The following ARB2A variants were observed in gnomAD, a reference collection of about 807,000 sequenced individuals.
ARB2A encodes ARB2 cotranscriptional regulator A.
chr5:94,072,133 A>C, the ARB2A span, among the ~76,000 whole-genome samples: 1 of 152,158 alleles, frequency 6.6e-6, no homozygotes, highest in Non-Finnish European at 1.5e-5. Context: ...TACATACCTT[A>C]TGATTCCATT....
the ARB2A span, among the ~76,000 whole-genome samples, chr5:94,047,021 T>C: frequency 2.0e-5 from 3 of 152,206 alleles, no homozygotes; most frequent in African/African-American, 7.2e-5. Context: ...AGCATGATGG[T>C]ATGATACAAA....
the ARB2A span, chr5:93,958,783 A>G: frequency 2.0e-6 from 3 of 1,521,214 alleles, no homozygotes; most frequent in South Asian, 4.3e-5. Flanking sequence ...TTACAGCCAC[A>G]GCTCTTTTAA....
At chr5:93,889,718 A>G in the ARB2A span, among the ~76,000 whole-genome samples, 2 of 152,034 alleles carry the variant, frequency 1.3e-5, no homozygotes, top group East Asian at 3.9e-4. Flanking sequence ...TCATGGTAAC[A>G]AATCTTTCCA....
chr5:93,788,301 T>C, the ARB2A span, among the ~76,000 whole-genome samples: 11 of 152,238 alleles, frequency 7.2e-5, no homozygotes, highest in South Asian at 1.0e-3. Context: ...CTGAGTATAA[T>C]AGGAGTATTC....
chr5:94,091,263 C>CT, the ARB2A span, among the ~76,000 whole-genome samples: 1 of 152,142 alleles, frequency 6.6e-6, no homozygotes, highest in Non-Finnish European at 1.5e-5. Flanking sequence ...ACTGAAATGT[C>CT]TAAGTTCTTA....
the ARB2A span, among the ~76,000 whole-genome samples, chr5:93,955,401 T>C: frequency 6.6e-6 from 1 of 152,206 alleles, no homozygotes; most frequent in Non-Finnish European, 1.5e-5. Flanking sequence ...CTGTATAAAT[T>C]ACATTAATAA....
chr5:94,021,495 A>G, the ARB2A span, among the ~76,000 whole-genome samples: 5 of 152,226 alleles, frequency 3.3e-5, no homozygotes, highest in African/African-American at 1.2e-4. Flanking sequence ...GTAAGAATAA[A>G]TCAGTTCACT....
chr5:93,847,174 T>C, the ARB2A span, among the ~76,000 whole-genome samples: 1 of 152,214 alleles, frequency 6.6e-6, no homozygotes, highest in Non-Finnish European at 1.5e-5. Context: ...GATCATGAGA[T>C]TGCAGCAATT....
chr5:94,022,385 T>C, the ARB2A span, among the ~76,000 whole-genome samples: 1 of 152,074 alleles, frequency 6.6e-6, no homozygotes, highest in Non-Finnish European at 1.5e-5. Flanking sequence ...AACAGTCCAA[T>C]CTACCAGTCA....
the ARB2A span, among the ~76,000 whole-genome samples, chr5:93,622,239 C>T: frequency 1.3e-5 from 2 of 152,142 alleles, no homozygotes; most frequent in African/African-American, 4.8e-5. Flanking sequence ...AGCTTTTAAA[C>T]AGTTGAAATC....
the ARB2A span, among the ~76,000 whole-genome samples, chr5:93,853,052 T>C: frequency 6.6e-6 from 1 of 152,214 alleles, no homozygotes. Context: ...TTGGGCAGTA[T>C]GGCCATTTTC....
chr5:94,000,289 A>C, the ARB2A span, among the ~76,000 whole-genome samples: 1 of 152,032 alleles, frequency 6.6e-6, no homozygotes, highest in East Asian at 1.9e-4. Flanking sequence ...GCAATAAATG[A>C]GAGTTCCTAT....
chr5:93,766,271 AG>A, the ARB2A span, among the ~76,000 whole-genome samples: 1 of 152,138 alleles, frequency 6.6e-6, no homozygotes, highest in African/African-American at 2.4e-5. Context: ...ATGGAAGAAA[AG>A]TTTTGCAATC....
chr5:93,689,602 GA>G, the ARB2A span, among the ~76,000 whole-genome samples: 1 of 152,120 alleles, frequency 6.6e-6, no homozygotes, highest in Non-Finnish European at 1.5e-5. Flanking sequence ...AAATCCAGCA[GA>G]AATGGGTCAG....
chr5:94,076,488 C>G, the ARB2A span, among the ~76,000 whole-genome samples: 1 of 152,176 alleles, frequency 6.6e-6, no homozygotes, highest in South Asian at 2.1e-4. Context: ...CAAATATGGT[C>G]ACTGCCCTCC....
the ARB2A span, among the ~76,000 whole-genome samples, chr5:93,691,695 C>A: frequency 6.6e-6 from 1 of 151,832 alleles, no homozygotes; most frequent in Admixed American, 6.6e-5. Context: ...AGATACTCCT[C>A]GAGAAGAGCA....
chr5:93,705,872 TA>T, the ARB2A span, among the ~76,000 whole-genome samples: 2 of 152,168 alleles, frequency 1.3e-5, no homozygotes, highest in Admixed American at 1.3e-4. Context: ...GATTACTTGC[TA>T]AATTTTTAAA....
At chr5:93,713,366 T>A in the ARB2A span, among the ~76,000 whole-genome samples, 2 of 151,250 alleles carry the variant, frequency 1.3e-5, no homozygotes, top group Non-Finnish European at 3.0e-5. Flanking sequence ...AAAAAAAAAA[T>A]CTAATAATCC....
chr5:93,768,520 CAT>C, the ARB2A span, among the ~76,000 whole-genome samples: 3 of 149,586 alleles, frequency 2.0e-5, no homozygotes, highest in South Asian at 2.1e-4. Context: ...TATATACATA[CAT>C]ATATATACAC....
Sources: gnomAD v4.1 joint callset for allele counts (sites outside exome capture counted in the v4.1 genomes callset) on GRCh38, gnomAD v4.1.1 for gene constraint, MANE v1.5 for transcripts, NCBI Gene and HGNC (gene_info 2026-07-23, HGNC 2026-07-21) for gene names.